Variants in TANGO2 observed in about 807,000 individuals in gnomAD.
TANGO2 encodes the protein transport and golgi organization 2 homolog.
In TANGO2, 26 loss-of-function variants were observed where a neutral mutation model predicts 39.1. The ratio of observed to expected loss-of-function variants is 0.67; its 90% CI spans 0.49 to 0.92. The LOEUF (loss-of-function observed/expected upper bound fraction) is 0.92. Among genes scored for constraint, TANGO2 ranks in the 40% least tolerant of loss-of-function variants. The pLI, the probability that TANGO2 is intolerant of heterozygous loss-of-function variation, is 0.00. For synonymous variants in TANGO2, 131 were observed against 144.5 expected (o/e 0.91, Z 0.67); for missense variants, 326 against 360.1 (o/e 0.91, Z 0.77).
At chr22:20,030,577 C>T (rs1272521485) in intron 1 of TANGO2, among the ~76,000 whole-genome samples, 1 of 152,084 alleles carries the variant, frequency 6.6e-6, no homozygotes, top group African/African-American at 2.4e-5. Flanking sequence ...GAACTCTTGA[C>T]CTCGTGATCC....
chr22:20,031,399 C>G (rs2041840046), intron 1 of TANGO2, among the ~76,000 whole-genome samples: 1 of 152,212 alleles, frequency 6.6e-6, no homozygotes, highest in Admixed American at 6.5e-5. Flanking sequence ...TGTCCTGGCT[C>G]AGGAACCTCA....
chr22:20,017,534 A>T (rs1945281138), upstream of TANGO2, among the ~76,000 whole-genome samples: 1 of 151,888 alleles, frequency 6.6e-6, no homozygotes, highest in Admixed American at 6.6e-5. Context: ...GGCTTGTCCC[A>T]CCCTGCAGGC....
rs1489772312 is a variant in TANGO2 at position 20,057,731 on chromosome 22, A to T, written c.451+1718A>T. 1.3e-5 allele frequency among the ~76,000 whole-genome samples: 2 copies of T among 152,182 alleles called. No homozygotes were observed. Among genetic ancestry groups the T allele is most frequent in the Non-Finnish European group, 2.9e-5 (2 of 68,022 alleles). ...GTCGTGGGGTTGGAATGTGTGGCGA[A>T]GTAGGTCTGTGGCAGTGGAGTTGGG... On this transcript the variant is annotated intron_variant, in intron 6 of 8. Coordinates refer to ENST00000327374, the MANE Select transcript of TANGO2 (RefSeq NM_152906.7). This position sits in a 1 kb window ranked among gnomAD's most constrained non-coding sequence, Gnocchi z 4.1.
chr22:20,036,668 G>T, intron 1 of TANGO2, 92 bp from the exon 2 acceptor site: 1 of 1,081,182 alleles, frequency 9.2e-7, no homozygotes, highest in Non-Finnish European at 1.4e-6. Flanking sequence ...ACACCACAGA[G>T]GTGGTTCTCT....
intron 3 of TANGO2, among the ~76,000 whole-genome samples, chr22:20,044,513 G>A (rs1258231001): frequency 1.3e-5 from 2 of 151,702 alleles, no homozygotes; most frequent in East Asian, 1.9e-4. Flanking sequence ...GTGACAGAGC[G>A]AGACCCTGTC....
At chr22:20,038,677 A>G (rs952533509) in intron 2 of TANGO2, among the ~76,000 whole-genome samples, 2 of 152,144 alleles carry the variant, frequency 1.3e-5, no homozygotes, top group Non-Finnish European at 2.9e-5. Context: ...TGACTGAGCA[A>G]ATGTGCGCTG....
At chr22:20,048,787 C>G (rs569980372) in intron 3 of TANGO2, among the ~76,000 whole-genome samples, 1 of 152,100 alleles carries the variant, frequency 6.6e-6, no homozygotes, top group South Asian at 2.1e-4. Flanking sequence ...GCTGGGACTA[C>G]AAGCATGCAC....
chr22:20,018,805 C>T (rs57958193), upstream of TANGO2, among the ~76,000 whole-genome samples: 6 of 152,286 alleles, frequency 3.9e-5, no homozygotes, highest in East Asian at 3.9e-4. Context: ...GGAGGCTGGG[C>T]GCAGTGGCTC....
intron 2 of TANGO2, 90 bp from the exon 3 acceptor site, chr22:20,043,265 C>G (rs1052091229): frequency 3.9e-5 from 36 of 933,122 alleles, no homozygotes; most frequent in Non-Finnish European, 5.8e-5. Flanking sequence ...GCCCTTGTTG[C>G]CACTGAGGCC....
chr22:20,060,973 G>C (rs908960047), intron 6 of TANGO2, among the ~76,000 whole-genome samples: 1 of 152,172 alleles, frequency 6.6e-6, no homozygotes, highest in Admixed American at 6.5e-5. Context: ...CTGGGAGCTT[G>C]TTCAGAGTCT....
intron 2 of TANGO2, among the ~76,000 whole-genome samples, chr22:20,042,330 G>A (rs887091942): frequency 1.3e-5 from 2 of 152,134 alleles, no homozygotes; most frequent in African/African-American, 4.8e-5. Context: ...GACATTGCAG[G>A]AACTGACCCC....
intron 7 of TANGO2, 155 bp downstream of exon 7, chr22:20,061,838 C>A: frequency 1.0e-6 from 1 of 969,810 alleles, no homozygotes. Flanking sequence ...CCCTGCCTGT[C>A]CCCTTGAGCC....
At chr22:20,058,746 C>T (rs1397840217) in intron 6 of TANGO2, among the ~76,000 whole-genome samples, 1 of 151,974 alleles carries the variant, frequency 6.6e-6, no homozygotes, top group African/African-American at 2.4e-5. Flanking sequence ...GAGTCTCTAG[C>T]ATGGACTGAG....
chr22:20,044,650 G>A lies in TANGO2; in HGVS notation c.145+1207G>A, dbSNP rs547047872. 1.3e-4 allele frequency among the ~76,000 whole-genome samples: 20 copies of A among 152,314 alleles called. No individual in the cohort carries two copies. In the East Asian group the frequency reaches 1.5e-3, roughly 12 times the overall value. On this transcript the variant is annotated intron_variant, in intron 3 of 8. Coordinates refer to ENST00000327374, the MANE Select transcript of TANGO2 (RefSeq NM_152906.7). ...GCTGAGGCTGGGTGGTCCCGGCACC[G>A]TGTGGGAGGAGGACGGGTGCATGGA...
intron 1 of TANGO2, among the ~76,000 whole-genome samples, chr22:20,024,678 C>G (rs992200506): frequency 6.6e-6 from 1 of 152,342 alleles, no homozygotes; most frequent in Middle Eastern, 3.4e-3. Context: ...TTGATGGCTA[C>G]CCTCCCAAGT....
At position 20,041,312 on chromosome 22, in the gene TANGO2, A is replaced by T. The variant is rs867124129; in HGVS notation, c.57-2043A>T. On this transcript the variant is annotated intron_variant, in intron 2 of 8. Coordinates refer to ENST00000327374, the MANE Select transcript of TANGO2 (RefSeq NM_152906.7). ...AGGCGCCCGCCACCACACCCGGCTAATTTTTTTTTTTTTTTTTTGAGACGG... is the reference window on the plus strand; with the variant it reads ...AGGCGCCCGCCACCACACCCGGCTATTTTTTTTTTTTTTTTTTTGAGACGG... Among the ~76,000 whole-genome samples the T allele has an allele frequency of 2.5e-4, 33 of 134,540 alleles. No individual in the cohort carries two copies. The Middle Eastern group carries it at 0.021, about 84-fold the overall frequency. 88.3% of individuals were successfully genotyped at this position (134,540 alleles called of 152,430 possible).
chr22:20,044,804 T>C (rs397701), intron 3 of TANGO2, among the ~76,000 whole-genome samples: 73,224 of 151,942 alleles, frequency 0.48, 18,702 homozygotes, highest in East Asian at 0.71. Context: ...TAGATGAAGA[T>C]GTGGCGGCTC....
At chr22:20,064,238 C>A (rs1294075788) in intron 8 of TANGO2, among the ~76,000 whole-genome samples, 1 of 152,208 alleles carries the variant, frequency 6.6e-6, no homozygotes, top group African/African-American at 2.4e-5. Context: ...GTGTGGTCAG[C>A]CCGCAGGCTG....
chr22:20,053,325 C>A (rs545903265), intron 4 of TANGO2, 112 bp from the exon 5 acceptor site: 82 of 698,196 alleles, frequency 1.2e-4, no homozygotes, highest in Non-Finnish European at 2.0e-4. Flanking sequence ...GCCAGGGCTC[C>A]AGTGGGACCC....
Sources: gnomAD v4.1 joint callset for allele counts (sites outside exome capture counted in the v4.1 genomes callset) on GRCh38, gnomAD v4.1.1 for gene constraint, Gnocchi (gnomAD v3.1) non-coding constraint, MANE v1.5 for transcripts, NCBI Gene and HGNC (gene_info 2026-07-23, HGNC 2026-07-21) for gene names.